The following DLG2 variants were observed in gnomAD, a reference collection of about 807,000 sequenced individuals.
The protein encoded by DLG2 is discs large MAGUK scaffold protein 2, also known as disks large homolog 2.
In DLG2, 45 loss-of-function variants were observed where a neutral mutation model predicts 132.5. The observed-to-expected ratio is 0.34, with a 90% CI of 0.27 to 0.44. The LOEUF is 0.44. Among genes scored for constraint, DLG2 ranks in the 20% least tolerant of loss-of-function variants. The pLI, the probability that DLG2 is intolerant of heterozygous loss-of-function variation, is 1.00. For missense variants in DLG2, 1,045 were observed against 1,196.9 expected, an observed-to-expected ratio of 0.87 and a Z score of 1.87; for synonymous variants, 424 against 419.6, an observed-to-expected ratio of 1.01 and a Z score of -0.13.
At chr11:84,621,400 G>A (rs934599462) in intron 6 of DLG2, among the ~76,000 whole-genome samples, 1 of 152,110 alleles carries the variant, frequency 6.6e-6, no homozygotes, top group Admixed American at 6.6e-5. Flanking sequence ...AAAAAGATAA[G>A]CACTAGCTGT....
At chr11:85,304,748 A>G (rs1158583055) in intron 3 of DLG2, among the ~76,000 whole-genome samples, 3 of 152,204 alleles carry the variant, frequency 2.0e-5, no homozygotes, top group Non-Finnish European at 2.9e-5. Flanking sequence ...TTAAACAGAA[A>G]AGGGCAGTAA....
chr11:84,137,068 T>C (rs1213157507), intron 9 of DLG2, among the ~76,000 whole-genome samples: 2 of 151,834 alleles, frequency 1.3e-5, no homozygotes, highest in Non-Finnish European at 2.9e-5. Context: ...GAGCTTTTGA[T>C]GAGAATCACA....
At chr11:83,926,038 A>G (rs1487264877) in intron 15 of DLG2, among the ~76,000 whole-genome samples, 1 of 152,194 alleles carries the variant, frequency 6.6e-6, no homozygotes, top group Non-Finnish European at 1.5e-5. Flanking sequence ...TCCTCCAAAC[A>G]TAATCTGCAG....
At chr11:83,556,763 G>A (rs2096527717) in intron 19 of DLG2, among the ~76,000 whole-genome samples, 3 of 152,196 alleles carry the variant, frequency 2.0e-5, no homozygotes, top group South Asian at 4.1e-4. Context: ...TGATAGAAGT[G>A]TATAAATTGG....
chr11:85,179,393 T>C (rs1311365298), intron 4 of DLG2, among the ~76,000 whole-genome samples: 1 of 151,816 alleles, frequency 6.6e-6, no homozygotes, highest in Non-Finnish European at 1.5e-5. Context: ...AATAAATAAA[T>C]AAAATATATC....
chr11:84,834,956 C>T (rs889309201), intron 6 of DLG2, among the ~76,000 whole-genome samples: 1 of 151,364 alleles, frequency 6.6e-6, no homozygotes, highest in Non-Finnish European at 1.5e-5. Context: ...TTGGAAAATG[C>T]TAATACTTCC....
At chr11:84,455,732 T>C (rs1199422991) in intron 7 of DLG2, among the ~76,000 whole-genome samples, 1 of 151,388 alleles carries the variant, frequency 6.6e-6, no homozygotes, top group African/African-American at 2.4e-5. Flanking sequence ...GCATAGCCGC[T>C]ATTTGAAAAT....
chr11:83,767,539 G>A (rs1365687161), intron 18 of DLG2, among the ~76,000 whole-genome samples: 2 of 152,196 alleles, frequency 1.3e-5, no homozygotes, highest in Non-Finnish European at 2.9e-5. Context: ...GAGCAGGGAG[G>A]CTACAGCCAG....
chr11:83,939,167 G>A (rs534230938), intron 14 of DLG2, among the ~76,000 whole-genome samples: 1 of 152,198 alleles, frequency 6.6e-6, no homozygotes, highest in South Asian at 2.1e-4. Flanking sequence ...ACACCTTTTT[G>A]AGTAAACCAC....
At chr11:84,720,875 C>G (rs1464954278) in intron 6 of DLG2, 2 of 141,672 alleles carry the variant, frequency 1.4e-5, no homozygotes, top group Non-Finnish European at 3.0e-5. Flanking sequence ...CTGCAGCTCC[C>G]GATTTGGTAA....
At chr11:85,467,075 G>A (rs1031346619) in intron 3 of DLG2, among the ~76,000 whole-genome samples, 4 of 152,158 alleles carry the variant, frequency 2.6e-5, no homozygotes, top group African/African-American at 7.2e-5. Context: ...TGAAGCAACT[G>A]TGAATGGGAG....
intron 4 of DLG2, among the ~76,000 whole-genome samples, chr11:85,241,045 TTTTA>T (rs2075852624): frequency 6.6e-6 from 1 of 151,766 alleles, no homozygotes; most frequent in Non-Finnish European, 1.5e-5. Flanking sequence ...ATGAACATGA[TTTTA>T]TTTATTTAGA....
chr11:83,960,052 T>C lies in DLG2; in HGVS notation c.1340+2833A>G, dbSNP rs1434933005. On this transcript the variant is annotated intron_variant, in intron 14 of 27. Transcript: ENST00000376104. Reference sequence around the variant, plus strand: ...CCATTTTCCTTTGTGAGTCTTATATTTCAAGTTCTAATTCTTGCTTTCATT... The same window carrying C: ...CCATTTTCCTTTGTGAGTCTTATATCTCAAGTTCTAATTCTTGCTTTCATT... Among the ~76,000 whole-genome samples the C allele has an allele frequency of 2.6e-5, 4 of 152,052 alleles. No individual in the cohort carries two copies. In the East Asian group the frequency reaches 7.7e-4, roughly 29 times the overall value.
chr11:85,159,271 G>A (rs529940575), intron 4 of DLG2, among the ~76,000 whole-genome samples: 5 of 152,162 alleles, frequency 3.3e-5, no homozygotes, highest in South Asian at 2.1e-4. Context: ...CAGTGTATCC[G>A]GACTCATCCT....
intron 4 of DLG2, among the ~76,000 whole-genome samples, chr11:85,229,081 T>C (rs2075141627): frequency 6.6e-6 from 1 of 151,904 alleles, no homozygotes; most frequent in Non-Finnish European, 1.5e-5. Context: ...TTCACATACA[T>C]CACATATAAG....
At chr11:85,310,744 T>A (rs140640112) in intron 3 of DLG2, among the ~76,000 whole-genome samples, 1 of 152,222 alleles carries the variant, frequency 6.6e-6, no homozygotes, top group African/African-American at 2.4e-5. Flanking sequence ...TGGGCTCTTA[T>A]ATAACATTTA....
chr11:85,134,292 G>A (rs1414335910), intron 5 of DLG2, among the ~76,000 whole-genome samples: 6 of 149,498 alleles, frequency 4.0e-5, no homozygotes, highest in African/African-American at 1.5e-4. Flanking sequence ...TTTCTTGGGA[G>A]GCCGAGGCGG....
intron 9 of DLG2, among the ~76,000 whole-genome samples, chr11:84,114,887 C>T (rs1465853933): frequency 1.4e-5 from 2 of 146,390 alleles, no homozygotes; most frequent in African/African-American, 5.0e-5. Context: ...CCAGCCTTGT[C>T]TCGAACTCCT....
intron 19 of DLG2, among the ~76,000 whole-genome samples, chr11:83,616,368 C>T (rs2060810733): frequency 6.6e-6 from 1 of 152,162 alleles, no homozygotes; most frequent in African/African-American, 2.4e-5. Flanking sequence ...TCTACATGTT[C>T]ACAAACACTT....
Sources: allele counts gnomAD v4.1 joint callset (sites outside exome capture counted in the v4.1 genomes callset), GRCh38; gene constraint gnomAD v4.1.1; transcripts MANE v1.5; gene names NCBI Gene and HGNC (gene_info 2026-07-23, HGNC 2026-07-21).